The following SMCR8 variants were observed in gnomAD, a reference collection of about 807,000 sequenced individuals.
The protein encoded by SMCR8 is SMCR8-C9orf72 complex subunit.
SMCR8 carries 30 observed loss-of-function variants against 56.6 expected under a neutral mutation model. The ratio of observed to expected loss-of-function variants is 0.53; its 90% CI spans 0.40 to 0.72. The LOEUF is 0.72. Ranked by LOEUF, SMCR8 falls within the 30% of genes least tolerant of loss-of-function variation. SMCR8 has a pLI of 0.00. For synonymous variants in SMCR8, 538 were observed against 456.0 expected, an observed-to-expected ratio of 1.18 and a Z score of -2.29; for missense variants, 1,198 against 1,157.0, an observed-to-expected ratio of 1.04 and a Z score of -0.51.
At chr17:18,322,536 C>A in intron 1 of SMCR8, 81 bp from the exon 2 acceptor site, 1 of 1,290,704 alleles carries the variant, frequency 7.7e-7, no homozygotes. Flanking sequence ...GGCCTGGGGA[C>A]AGGAGGCCTC....
rs755535584 is a variant in SMCR8, at chr17:18,316,860, T to C, written c.1071T>C (p.Ile357=). ...TGTGTTACCTCCTGACCAGTCAGAT[T>C]GATAGAGCACTTCTAAAACAACAGC... ...GDLCYLLTSQ[I]DRALLKQQHI... Residue 357 remains isoleucine, a synonymous_variant, in exon 1 of 2, where the codon ATT becomes ATC. Coordinates refer to ENST00000406438, the MANE Select transcript of SMCR8 (RefSeq NM_144775.3). 1.2e-6 allele frequency: 2 copies of C among 1,614,212 alleles called. No homozygotes were observed. Among genetic ancestry groups the C allele is most frequent in the Non-Finnish European group, 8.5e-7 (1 of 1,180,040 alleles).
rs770956170 is a variant in SMCR8 at position 18,316,958 on chromosome 17, C to T, written c.1169C>T (p.Pro390Leu). 4 of 1,614,048 alleles carry T rather than the reference C, an allele frequency of 2.5e-6. No individual in the cohort carries two copies. Among genetic ancestry groups the T allele is most frequent in the Non-Finnish European group, 3.4e-6 (4 of 1,179,990 alleles). ...DRMVEKQESI[P>L]SKPSQDRPPS... ...ATGGTGGAGAAACAAGAAAGCATAC[C>T]CTCTAAGCCCAGTCAAGACAGGCCG... The change falls in exon 1 of 2, where the codon CCC becomes CTC. Residue 390 changes from proline (P) to leucine (L), a missense_variant. Coordinates refer to ENST00000406438, the MANE Select transcript of SMCR8 (RefSeq NM_144775.3).
In SMCR8 at chr17:18,318,170, G is replaced by A. The variant is rs1324780156; in HGVS notation, c.2360+21G>A. 3.1e-6 allele frequency: 5 copies of A among 1,603,366 alleles called. No homozygotes were observed. The African/African-American group carries it at 6.7e-5, about 21-fold the overall frequency. ...CAGAGGTAACTGGTTCCAGGTGGTG[G>A]GGAAGGGCCTTGGCCAGATAGGGAT... is the stretch of plus-strand genomic sequence containing the variant. On this transcript the variant is annotated intron_variant, in intron 1 of 1. Transcript: ENST00000406438.
chr17:18,320,555 T>G (rs1289401314), intron 1 of SMCR8, among the ~76,000 whole-genome samples: 1 of 152,100 alleles, frequency 6.6e-6, no homozygotes, highest in Non-Finnish European at 1.5e-5. Flanking sequence ...TGGGAGGTGT[T>G]TGACTCTGGC....
Position 18,315,765 on chromosome 17 carries a change from A to G in SMCR8, c.-25A>G, listed in dbSNP as rs193128112. On this transcript the variant is annotated 5_prime_UTR_variant, in exon 1 of 2. An upstream start codon of the reference 5' UTR is lost. Coordinates refer to ENST00000406438, the MANE Select transcript of SMCR8 (RefSeq NM_144775.3). The stretch of plus-strand genomic sequence containing the variant: ...CCGCATTCTTTCCCACTTCCTCTCA[A>G]TGTTTTCTTCATATATCTGGAAATA... The G allele has an allele frequency of 6.4e-7, 1 of 1,551,552 alleles. No individual in the cohort carries two copies. The highest frequency in any genetic ancestry group is 1.4e-5 in the African/African-American group (1 of 72,650).
rs1982755465 is a variant in SMCR8 at position 18,328,047 on chromosome 17, G to C, written c.*4977G>C. 1 of 152,448 alleles carries C rather than the reference G, an allele frequency of 6.6e-6. No individual in the cohort carries two copies. Among genetic ancestry groups the C allele is most frequent in the South Asian group, 2.1e-4 (1 of 4,830 alleles). The allele number at this position is 152,448 out of a possible 1,614,324, so 9.4% of individuals were successfully genotyped here. ...AGCTACGTGAAAATAAAATTTCTTTGGGAAGGTGACATTTGGCTTCCTGAT... is the reference window on the plus strand; with the variant it reads ...AGCTACGTGAAAATAAAATTTCTTTCGGAAGGTGACATTTGGCTTCCTGAT... On this transcript the variant is annotated 3_prime_UTR_variant, in exon 2 of 2. Coordinates refer to ENST00000406438, the MANE Select transcript of SMCR8 (RefSeq NM_144775.3).
rs769649612 is a variant in SMCR8 at position 18,322,709 on chromosome 17, G to A, written c.2453G>A (p.Arg818His). The A allele has an allele frequency of 1.2e-5, 19 of 1,614,070 alleles. No homozygotes were observed. The highest frequency in any genetic ancestry group is 9.9e-5 in the South Asian group (9 of 91,084). Residue 818 changes from arginine to histidine, a missense_variant, in exon 2 of 2, where the codon CGC becomes CAC. Transcript: ENST00000406438. ...SILDLDNKTL[R>H]CPLYRGTLVP... ...CTGGACCTTGACAACAAAACCCTGC[G>A]CTGCCCCCTTTACAGAGGCACCCTG...
chr17:18,316,606 C>T lies in SMCR8; in HGVS notation c.817C>T (p.His273Tyr). The change falls in exon 1 of 2, where the codon CAC becomes TAC. Residue 273 changes from histidine to tyrosine, a missense_variant. Transcript: ENST00000406438. ...TGATTTGTGTCCTGGTGAGATGGAG[C>T]ACATCCAGGATCAGGCCAGCCAGGC... ...GHDLCPGEME[H>Y]IQDQASQAST... 1.2e-6 allele frequency: 2 copies of T among 1,614,172 alleles called. No homozygotes were observed. Among genetic ancestry groups the T allele is most frequent in the Non-Finnish European group, 1.7e-6 (2 of 1,180,030 alleles).
chr17:18,325,430 A>T lies in SMCR8; in HGVS notation c.*2360A>T, dbSNP rs1482717464. ...CAGACCGTCTCAGGGGCAGCCATGT[A>T]AGTGGCAAGCAGGGCTGGTCTCCCT... On this transcript the variant is annotated 3_prime_UTR_variant, in exon 2 of 2. Coordinates refer to ENST00000406438, the MANE Select transcript of SMCR8 (RefSeq NM_144775.3). The T allele has an allele frequency of 6.6e-6, 1 of 152,240 alleles. No individual in the cohort carries two copies. 9.4% of individuals were successfully genotyped at this position (152,240 alleles called of 1,614,324 possible).
intron 1 of SMCR8, among the ~76,000 whole-genome samples, chr17:18,319,950 GC>G (rs1982448520): frequency 6.6e-6 from 1 of 152,154 alleles, no homozygotes; most frequent in Non-Finnish European, 1.5e-5. Flanking sequence ...CAAATGATCG[GC>G]CCACCTCAGC....
chr17:18,316,983 G>A lies in SMCR8; in HGVS notation c.1194G>A (p.Pro398=), dbSNP rs148933908. The change falls in exon 1 of 2, where the codon CCG becomes CCA. Residue 398 remains proline (P), a synonymous_variant. Transcript: ENST00000406438. The stretch of plus-strand genomic sequence containing the variant: ...CCTCTAAGCCCAGTCAAGACAGGCC[G>A]CCTTCCAGTTCTCTAGAAGAATGCC... The part of the protein sequence containing the change: ...SIPSKPSQDR[P]PSSSLEECPI... 191 of 1,614,062 alleles carry A rather than the reference G, an allele frequency of 1.2e-4. No individual in the cohort carries two copies. Among genetic ancestry groups the A allele is most frequent in the Non-Finnish European group, 1.5e-4 (177 of 1,180,050 alleles).
At position 18,327,725 on chromosome 17, in the gene SMCR8, G is replaced by C. The variant is rs561787879; in HGVS notation, c.*4655G>C. 1 of 152,634 alleles carries C rather than the reference G, an allele frequency of 6.6e-6. No homozygotes were observed. Among genetic ancestry groups the C allele is most frequent in the East Asian group, 1.9e-4 (1 of 5,184 alleles). The allele number at this position is 152,634 out of a possible 1,614,324, so 9.5% of individuals were successfully genotyped here. ...TTACTGCATGTTCCCGTCCCGTCTT[G>C]TGAATGTGAGTCCCCGCCACCACGT... On this transcript the variant is annotated 3_prime_UTR_variant, in exon 2 of 2. Transcript: ENST00000406438.
chr17:18,316,374 T>G lies in SMCR8; in HGVS notation c.585T>G (p.Leu195=). Residue 195 remains leucine, a synonymous_variant, in exon 1 of 2, where the codon CTT becomes CTG. Transcript: ENST00000406438. ...TGNRKAFAGE[L]EKKLKDLDYT... ...ACAGGAAGGCATTTGCTGGGGAACT[T>G]GAAAAAAAGCTGAAAGACTTGGATT... is the stretch of plus-strand genomic sequence containing the variant. 6 of 1,614,016 alleles carry G rather than the reference T, an allele frequency of 3.7e-6. No individual in the cohort carries two copies. Among genetic ancestry groups the G allele is most frequent in the Non-Finnish European group, 5.1e-6 (6 of 1,179,988 alleles).
chr17:18,318,211 G>T, intron 1 of SMCR8, 62 bp downstream of exon 1: 2 of 1,487,234 alleles, frequency 1.3e-6, no homozygotes, highest in South Asian at 1.3e-5. Flanking sequence ...ATATTGGTGT[G>T]GTGGAGCCAG....
rs774355969 is a variant in SMCR8 at position 18,315,996 on chromosome 17, C to T, written c.207C>T (p.Pro69=). The change falls in exon 1 of 2, where the codon CCC becomes CCT. Residue 69 remains proline, a synonymous_variant. Coordinates refer to ENST00000406438, the MANE Select transcript of SMCR8 (RefSeq NM_144775.3). ...CCGAGTTCTCTGAGCAGGTGGGACCCCAACCCTTACTGACCATCCCCAATG... is the reference window on the plus strand; with the variant it reads ...CCGAGTTCTCTGAGCAGGTGGGACCTCAACCCTTACTGACCATCCCCAATG... The part of the protein sequence containing the change: ...LISEFSEQVG[P]QPLLTIPNDT... 6.2e-7 allele frequency: 1 copy of T among 1,614,152 alleles called. No individual in the cohort carries two copies. Among genetic ancestry groups the T allele is most frequent in the South Asian group, 1.1e-5 (1 of 91,082 alleles).
Position 18,325,413 on chromosome 17 carries a change from C to T in SMCR8, c.*2343C>T, listed in dbSNP as rs1982622154. ...CTGGGGCATGAACAGAACAGACCGTCTCAGGGGCAGCCATGTAAGTGGCAA... is the reference window on the plus strand; with the variant it reads ...CTGGGGCATGAACAGAACAGACCGTTTCAGGGGCAGCCATGTAAGTGGCAA... On this transcript the variant is annotated 3_prime_UTR_variant, in exon 2 of 2. Coordinates refer to ENST00000406438, the MANE Select transcript of SMCR8 (RefSeq NM_144775.3). 1 of 152,262 alleles carries T rather than the reference C, an allele frequency of 6.6e-6. No homozygotes were observed. Among genetic ancestry groups the T allele is most frequent in the African/African-American group, 2.4e-5 (1 of 41,462 alleles). 9.4% of individuals were successfully genotyped at this position (152,262 alleles called of 1,614,324 possible). A position where few individuals can be genotyped will look rare whatever the true frequency, so the allele number is the denominator to read the frequency against.
chr17:18,318,131 A>C lies in SMCR8; in HGVS notation c.2342A>C (p.Lys781Thr). The C allele has an allele frequency of 6.2e-7, 1 of 1,612,502 alleles. No individual in the cohort carries two copies. The highest frequency in any genetic ancestry group is 8.5e-7 in the Non-Finnish European group (1 of 1,178,572). ...PLHIMDFQKW[K>T]LIGLQRVASP... ...CACATTATGGATTTTCAGAAGTGGA[A>C]GCTTATTGGCTTGCAGAGGTAACTG... The change falls in exon 1 of 2, where the codon AAG (lysine) becomes ACG (threonine). Residue 781 changes from lysine to threonine, a missense_variant. Lys to Thr is a moderately conservative substitution (Grantham distance 78). Transcript: ENST00000406438.
In SMCR8 at chr17:18,324,550, T is replaced by C. The variant is rs1982595027; in HGVS notation, c.*1480T>C. On this transcript the variant is annotated 3_prime_UTR_variant, in exon 2 of 2. Coordinates refer to ENST00000406438, the MANE Select transcript of SMCR8 (RefSeq NM_144775.3). ...GTGTGCTTCTGTTGGCGCCTGCTGC[T>C]GAGGCCCGGCCTGCCCATCGGCCTG... 6.6e-6 allele frequency: 1 copy of C among 152,514 alleles called. No individual in the cohort carries two copies. The highest frequency in any genetic ancestry group is 2.1e-4 in the South Asian group (1 of 4,838). The allele number at this position is 152,514 out of a possible 1,614,324, so 9.4% of individuals were successfully genotyped here. A position where few individuals can be genotyped will look rare whatever the true frequency, so the allele number is the denominator to read the frequency against.
In SMCR8 at chr17:18,325,534, A is replaced by G. The variant is rs1331519494; in HGVS notation, c.*2464A>G. On this transcript the variant is annotated 3_prime_UTR_variant, in exon 2 of 2. Transcript: ENST00000406438. Reference sequence around the variant, plus strand: ...AGATTTATATTTGGGTTAAAAACTAACTTTTCAATGTGGCAGTTTCAAAGG... The same window carrying G: ...AGATTTATATTTGGGTTAAAAACTAGCTTTTCAATGTGGCAGTTTCAAAGG... The G allele has an allele frequency of 3.9e-5, 6 of 152,350 alleles. No individual in the cohort carries two copies. The highest frequency in any genetic ancestry group is 7.3e-5 in the Non-Finnish European group (5 of 68,028). 9.4% of individuals were successfully genotyped at this position (152,350 alleles called of 1,614,324 possible).
Sources: allele counts gnomAD v4.1 joint callset (sites outside exome capture counted in the v4.1 genomes callset), GRCh38; gene constraint gnomAD v4.1.1; transcripts MANE v1.5; gene names NCBI Gene and HGNC (gene_info 2026-07-23, HGNC 2026-07-21).